The following KCNIP4 variants were observed in gnomAD, a reference collection of about 807,000 sequenced individuals.
KCNIP4 encodes potassium voltage-gated channel interacting protein 4.
KCNIP4 carries 12 observed loss-of-function variants against 34.0 expected under a neutral mutation model. The observed-to-expected ratio is 0.35, with a 90% CI of 0.23 to 0.57. The LOEUF (loss-of-function observed/expected upper bound fraction) is 0.57, where lower values mean the gene tolerates loss of function less well. Ranked by LOEUF, KCNIP4 falls within the 20% of genes least tolerant of loss-of-function variation. The pLI is 0.83. For synonymous variants in KCNIP4, 124 were observed against 102.2 expected (o/e 1.21, Z -1.29); for missense variants, 238 against 311.7 (o/e 0.76, Z 1.78).
At chr4:21,901,468 A>G (rs1473998513) in intron 1 of KCNIP4, among the ~76,000 whole-genome samples, 1 of 152,196 alleles carries the variant, frequency 6.6e-6, no homozygotes, top group African/African-American at 2.4e-5. Flanking sequence ...TTATTAAACA[A>G]TATCTATTGT....
intron 1 of KCNIP4, among the ~76,000 whole-genome samples, chr4:21,923,114 A>T (rs1173141438): frequency 6.6e-6 from 1 of 152,128 alleles, no homozygotes; most frequent in African/African-American, 2.4e-5. Context: ...GCCAGCTTCC[A>T]CTGCACCCTC....
chr4:21,739,456 T>G (rs573307065), intron 1 of KCNIP4, among the ~76,000 whole-genome samples: 2 of 152,094 alleles, frequency 1.3e-5, no homozygotes, highest in South Asian at 4.1e-4. Context: ...GATGGTTCTA[T>G]CTCTTTTTTT....
intron 3 of KCNIP4, among the ~76,000 whole-genome samples, chr4:20,838,541 G>A (rs1023091655): frequency 1.6e-4 from 25 of 152,110 alleles, no homozygotes; most frequent in African/African-American, 5.3e-4. Flanking sequence ...GACTAAGTTT[G>A]AGCCCTTAAT....
chr4:20,937,369 G>A (rs1312897068), intron 1 of KCNIP4, among the ~76,000 whole-genome samples: 2 of 151,100 alleles, frequency 1.3e-5, no homozygotes, highest in Non-Finnish European at 2.9e-5. Context: ...CAAATAGCTG[G>A]GACTATAGGC....
chr4:20,906,072 CCCT>C (rs933115998), intron 1 of KCNIP4, among the ~76,000 whole-genome samples: 1 of 140,576 alleles, frequency 7.1e-6, no homozygotes, highest in Non-Finnish European at 1.6e-5. Flanking sequence ...TCCCTCCCTT[CCCT>C]CCTTTCTTCC....
At chr4:20,992,137 C>T (rs971601615) in intron 1 of KCNIP4, among the ~76,000 whole-genome samples, 3 of 152,146 alleles carry the variant, frequency 2.0e-5, no homozygotes, top group African/African-American at 2.4e-5. Context: ...AAGAAATACT[C>T]GAGACTGGGT....
intron 1 of KCNIP4, among the ~76,000 whole-genome samples, chr4:20,895,578 G>C (rs1207954666): frequency 6.6e-6 from 1 of 152,060 alleles, no homozygotes; most frequent in Admixed American, 6.6e-5. Context: ...GAGTTCTTTT[G>C]TGTCACTGTA....
chr4:21,799,923 G>A (rs1200126567), intron 1 of KCNIP4, among the ~76,000 whole-genome samples: 1 of 152,140 alleles, frequency 6.6e-6, no homozygotes, highest in African/African-American at 2.4e-5. Context: ...CAATGACAGA[G>A]TTGAGTAGTT....
At chr4:21,840,557 T>C (rs1021028855) in intron 1 of KCNIP4, among the ~76,000 whole-genome samples, 2 of 152,142 alleles carry the variant, frequency 1.3e-5, no homozygotes, top group Non-Finnish European at 2.9e-5. Flanking sequence ...CATCCCTCTT[T>C]TTCCAATAAT....
At position 20,741,477 on chromosome 4, in the gene KCNIP4, G is replaced by A. The variant is rs184879391; in HGVS notation, c.430-6742C>T. 1.4e-4 allele frequency among the ~76,000 whole-genome samples: 21 copies of A among 152,234 alleles called. No homozygotes were observed. The East Asian group carries it at 3.7e-3, about 27-fold the overall frequency. ...CCTGCTCCTGAATGACCACTGGGTA[G>A]ATAATGAAATGAAGGCAGAAATAAA... On this transcript the variant is annotated intron_variant, in intron 5 of 8. Coordinates refer to ENST00000382152, the MANE Select transcript of KCNIP4 (RefSeq NM_025221.6).
intron 1 of KCNIP4, among the ~76,000 whole-genome samples, chr4:21,125,885 G>A (rs1309787560): frequency 6.6e-6 from 1 of 151,986 alleles, no homozygotes; most frequent in Non-Finnish European, 1.5e-5. Context: ...TTTTTATAAA[G>A]CTTATTTTCT....
chr4:20,967,552 A>C (rs113836909), intron 1 of KCNIP4, among the ~76,000 whole-genome samples: 4 of 152,320 alleles, frequency 2.6e-5, no homozygotes, highest in African/African-American at 9.6e-5. Context: ...ACAGTAACCA[A>C]AACAGCATGG....
In KCNIP4 at chr4:21,625,900, G is replaced by T. The variant is rs530540318; in HGVS notation, c.61+322671C>A. On this transcript the variant is annotated intron_variant, in intron 1 of 8. Transcript: ENST00000382152. ...GGGCCAATTCATCTTAGTCTCTCTT[G>T]GTTTGGAATGAATATTTGGTTGGTT... Among the ~76,000 whole-genome samples the T allele has an allele frequency of 3.9e-5, 6 of 152,134 alleles. No individual in the cohort carries two copies. The South Asian group carries it at 1.2e-3, about 32-fold the overall frequency.
At chr4:20,733,846 A>G (rs908396952) in intron 6 of KCNIP4, among the ~76,000 whole-genome samples, 5 of 152,186 alleles carry the variant, frequency 3.3e-5, no homozygotes, top group African/African-American at 9.6e-5. Flanking sequence ...AATGAAACCC[A>G]TTACTACTTA....
At chr4:21,874,379 G>A (rs1055901749) in intron 1 of KCNIP4, among the ~76,000 whole-genome samples, 10 of 152,132 alleles carry the variant, frequency 6.6e-5, no homozygotes, top group African/African-American at 1.7e-4. Flanking sequence ...GCATGAGGCC[G>A]TCTGTCCAAA....
chr4:21,805,130 C>G (rs1326687624), intron 1 of KCNIP4, among the ~76,000 whole-genome samples: 1 of 152,196 alleles, frequency 6.6e-6, no homozygotes, highest in East Asian at 1.9e-4. Flanking sequence ...GGTTGCACTA[C>G]TCTAGAAATC....
chr4:20,816,340 G>C (rs191834735), intron 3 of KCNIP4, among the ~76,000 whole-genome samples: 132 of 151,808 alleles, frequency 8.7e-4, no homozygotes, highest in Non-Finnish European at 1.3e-3. Context: ...CCTTTTTTGA[G>C]AGGTAGGGAG....
chr4:21,642,632 C>G (rs1369865744), intron 1 of KCNIP4, among the ~76,000 whole-genome samples: 2 of 152,052 alleles, frequency 1.3e-5, no homozygotes, highest in Non-Finnish European at 2.9e-5. Context: ...TTACGCTCTG[C>G]TTGTTCAGAA....
intron 1 of KCNIP4, among the ~76,000 whole-genome samples, chr4:21,003,720 A>G (rs1738328016): frequency 6.6e-6 from 1 of 152,182 alleles, no homozygotes; most frequent in African/African-American, 2.4e-5. Context: ...GTTATTGCTG[A>G]TATTATTTTA....
Sources: gnomAD v4.1 joint callset for allele counts (sites outside exome capture counted in the v4.1 genomes callset) on GRCh38, gnomAD v4.1.1 for gene constraint, MANE v1.5 for transcripts, NCBI Gene and HGNC (gene_info 2026-07-23, HGNC 2026-07-21) for gene names.